The following ANKRD30A variants were observed in gnomAD, a reference collection of about 807,000 sequenced individuals.
ANKRD30A encodes the protein ankyrin repeat domain-containing protein 30A.
Under a neutral mutation model 166.3 loss-of-function variants are expected in ANKRD30A, and 170 were observed. The observed-to-expected ratio is 1.02, with a 90% CI of 0.90 to 1.16. The LOEUF (loss-of-function observed/expected upper bound fraction) is 1.16, where lower values mean the gene tolerates loss of function less well. Among genes scored for constraint, ANKRD30A ranks in the 50% most tolerant of loss-of-function variants. The pLI, the probability that ANKRD30A is intolerant of heterozygous loss-of-function variation, is 0.00. For missense variants in ANKRD30A, 1,630 were observed against 1,518.0 expected, an observed-to-expected ratio of 1.07 and a Z score of -1.23; for synonymous variants, 564 against 508.9, an observed-to-expected ratio of 1.11 and a Z score of -1.46.
intron 27 of ANKRD30A, among the ~76,000 whole-genome samples, chr10:37,196,081 T>G (rs1054581509): frequency 1.2e-4 from 18 of 146,600 alleles, no homozygotes; most frequent in African/African-American, 4.5e-4. Flanking sequence ...TAGAGGTTTT[T>G]TTATATTTTC....
chr10:37,177,987 G>A (rs551351009), intron 24 of ANKRD30A, among the ~76,000 whole-genome samples: 4 of 150,526 alleles, frequency 2.7e-5, no homozygotes, highest in Non-Finnish European at 4.5e-5. Flanking sequence ...ATTCCAAGAC[G>A]TGAGGAAAAT....
Position 37,183,915 on chromosome 10 carries a change from G to A in ANKRD30A, c.2422-5552G>A, listed in dbSNP as rs554756520. On this transcript the variant is annotated intron_variant, in intron 24 of 35. Coordinates refer to ENST00000361713, the MANE Select transcript of ANKRD30A (RefSeq NM_052997.3). Reference sequence around the variant, plus strand: ...TGTAACGCCAGCACGTTGGGAGGCCGTGACTGGCAGATCACGAGGTTAGGA... The same window carrying A: ...TGTAACGCCAGCACGTTGGGAGGCCATGACTGGCAGATCACGAGGTTAGGA... Among the ~76,000 whole-genome samples the A allele has an allele frequency of 4.0e-5, 6 of 149,996 alleles. No individual in the cohort carries two copies. In the East Asian group the frequency reaches 9.9e-4, roughly 25 times the overall value.
At position 37,132,284 on chromosome 10, in the gene ANKRD30A, G is replaced by C; in HGVS notation, c.555G>C (p.Glu185Asp). Residue 185 changes from glutamate (E) to aspartate (D), a missense_variant, in exon 4 of 36, where the codon GAG (glutamate) becomes GAC (aspartate). By Grantham distance (45) the Glu-to-Asp change is conservative. Transcript: ENST00000361713. ...TACTATCCATAACGAAAAGAAGTGA[G>C]CAAATTGTGGAATTTTTGCTGATAA... ...PLLLSITKRS[E>D]QIVEFLLIKN... 2 of 1,607,142 alleles carry C rather than the reference G, an allele frequency of 1.2e-6. No individual in the cohort carries two copies. The highest frequency in any genetic ancestry group is 1.7e-6 in the Non-Finnish European group (2 of 1,176,738).
Position 37,219,393 on chromosome 10 carries a change from A to G in ANKRD30A, c.3681A>G (p.Gly1227=). Reference sequence around the variant, plus strand: ...AAGAACCTGCTTTCCACATTGCAGGAGATGCTTGTTTGCAAAGAAAAATGA... The same window carrying G: ...AAGAACCTGCTTTCCACATTGCAGGGGATGCTTGTTTGCAAAGAAAAATGA... ...KSQEPAFHIA[G]DACLQRKMNV... Residue 1227 remains glycine, a synonymous_variant, in exon 34 of 36, where the codon GGA becomes GGG. Coordinates refer to ENST00000361713, the MANE Select transcript of ANKRD30A (RefSeq NM_052997.3). The G allele has an allele frequency of 6.2e-7, 1 of 1,610,660 alleles. No homozygotes were observed. Among genetic ancestry groups the G allele is most frequent in the Non-Finnish European group, 8.5e-7 (1 of 1,177,810 alleles).
the ANKRD30A span, chr10:37,248,367 A>G: frequency 3.1e-6 from 1 of 324,686 alleles, no homozygotes; most frequent in Non-Finnish European, 6.2e-6. Context: ...TGAGACCGTG[A>G]CTCCCATCCC....
chr10:37,250,464 G>A, the ANKRD30A span, among the ~76,000 whole-genome samples: 11,173 of 152,052 alleles, frequency 0.073, 485 homozygotes, highest in African/African-American at 0.1. Context: ...AGACTCTGAC[G>A]AGGGGTTCAG....
Position 37,149,937 on chromosome 10 carries a change from T to C in ANKRD30A, c.1645+88T>C. 1.9e-6 allele frequency: 3 copies of C among 1,542,342 alleles called. No individual in the cohort carries two copies. The South Asian group carries it at 3.6e-5, about 18-fold the overall frequency. On this transcript the variant is annotated intron_variant, in intron 11 of 35. Transcript: ENST00000361713. ...TTCTATCCCCAATGCTTTATTTTTT[T>C]CAACTTTGATGAAAACATTTGATCT...
At chr10:37,240,176 A>T in the ANKRD30A span, among the ~76,000 whole-genome samples, 1 of 152,148 alleles carries the variant, frequency 6.6e-6, no homozygotes, top group Non-Finnish European at 1.5e-5. Context: ...ACTCATAATT[A>T]AGAGTATATT....
At chr10:37,232,695 A>ATATATATATATATAT (rs1564604874), downstream of ANKRD30A, 58 of 10,602 alleles carry the variant, frequency 5.5e-3, 1 homozygote, top group Non-Finnish European at 6.8e-3. Flanking sequence ...TATATATATA[A>ATATATATATATATAT]ATAGAGAGAG....
At chr10:37,143,809 T>A (rs1159606165) in intron 7 of ANKRD30A, among the ~76,000 whole-genome samples, 1 of 152,254 alleles carries the variant, frequency 6.6e-6, no homozygotes, top group Non-Finnish European at 1.5e-5. Context: ...AAGCTGAATT[T>A]GGCCTGTGGC....
chr10:37,150,680 C>G (rs1837861865), intron 11 of ANKRD30A, among the ~76,000 whole-genome samples: 1 of 151,954 alleles, frequency 6.6e-6, no homozygotes, highest in African/African-American at 2.4e-5. Flanking sequence ...ACACAATTAA[C>G]TGTGTTTTTT....
At chr10:37,262,865 A>G in the ANKRD30A span, among the ~76,000 whole-genome samples, 1 of 152,296 alleles carries the variant, frequency 6.6e-6, no homozygotes, top group African/African-American at 2.4e-5. Context: ...TAATTTTATC[A>G]TCAAGAGACA....
Position 37,149,660 on chromosome 10 carries a change from A to G in ANKRD30A, c.1553A>G (p.Lys518Arg), listed in dbSNP as rs879067354. The G allele has an allele frequency of 1.3e-5, 21 of 1,612,284 alleles. No homozygotes were observed. Among genetic ancestry groups the G allele is most frequent in the South Asian group, 3.3e-5 (3 of 90,956 alleles). ...CTCTTTTGCTTTTTAGAGCCTCCTA[A>G]GAAGCCATCTGCCTTCAAGGTATTT... ...EINREVEEPP[K>R]KPSAFKPAIE... Residue 518 changes from lysine to arginine, a missense_variant, in exon 10 of 36, where the codon AAG becomes AGG. This residue lies in a region of ANKRD30A where 904 missense variants were observed against 818.5 expected (regional missense o/e 1.10). Transcript: ENST00000361713.
chr10:37,149,946 A>T, intron 11 of ANKRD30A, 97 bp downstream of exon 11: 6 of 1,510,840 alleles, frequency 4.0e-6, no homozygotes, highest in South Asian at 1.2e-5. Flanking sequence ...TTCAACTTTG[A>T]TGAAAACATT....
At chr10:37,209,905 T>C (rs1357804599) in intron 31 of ANKRD30A, among the ~76,000 whole-genome samples, 1 of 152,134 alleles carries the variant, frequency 6.6e-6, no homozygotes, top group Non-Finnish European at 1.5e-5. Context: ...TTGGATCTTT[T>C]ACATAAAAAT....
At chr10:37,213,938 G>T (rs1842476233) in intron 31 of ANKRD30A, among the ~76,000 whole-genome samples, 1 of 151,504 alleles carries the variant, frequency 6.6e-6, no homozygotes, top group African/African-American at 2.4e-5. Flanking sequence ...TACTTCTGAA[G>T]AATGGTGTTA....
At chr10:37,162,889 A>G (rs770457617) in intron 17 of ANKRD30A, 41 bp downstream of exon 17, 3 of 1,595,106 alleles carry the variant, frequency 1.9e-6, no homozygotes, top group South Asian at 2.2e-5. Context: ...CAATATTTCA[A>G]TATTGGACAT....
chr10:37,203,221 A>G (rs928869328), intron 31 of ANKRD30A, among the ~76,000 whole-genome samples: 2 of 152,248 alleles, frequency 1.3e-5, no homozygotes, highest in Non-Finnish European at 2.9e-5. Context: ...ATGAACATCA[A>G]TGCAAAAATC....
rs1357022217 is a variant in ANKRD30A, at chr10:37,167,820, G to C, written c.2155+1125G>C. On this transcript the variant is annotated intron_variant, in intron 19 of 35. Coordinates refer to ENST00000361713, the MANE Select transcript of ANKRD30A (RefSeq NM_052997.3). ...CAATTCATAACACTTTTTCTGATGA[G>C]ATGTCAATTCTACATTCAGCTGAAC... Among the ~76,000 whole-genome samples the C allele has an allele frequency of 2.0e-5, 3 of 147,338 alleles. No homozygotes were observed. In the Admixed American group the frequency reaches 2.1e-4, roughly 10 times the overall value.
Sources: allele counts gnomAD v4.1 joint callset (sites outside exome capture counted in the v4.1 genomes callset), GRCh38; gene constraint gnomAD v4.1.1; regional missense constraint gnomAD v4.1.1; transcripts MANE v1.5; gene names NCBI Gene and HGNC (gene_info 2026-07-23, HGNC 2026-07-21).